The following PCDHA12 variants were observed in gnomAD, a reference collection of about 807,000 sequenced individuals.
PCDHA12 encodes protocadherin alpha-12.
Under a neutral mutation model 60.0 loss-of-function variants are expected in PCDHA12, and 44 were observed. That is an observed-to-expected ratio of 0.73 (90% CI 0.58 to 0.94). The LOEUF (loss-of-function observed/expected upper bound fraction) is 0.94, where lower values mean the gene tolerates loss of function less well. Among genes scored for constraint, PCDHA12 ranks in the 40% least tolerant of loss-of-function variants. PCDHA12 has a pLI of 0.00. For missense variants in PCDHA12, 1,276 were observed against 1,239.7 expected (o/e 1.03, Z -0.44); for synonymous variants, 569 against 553.0 (o/e 1.03, Z -0.40).
chr5:140,970,647 T>C lies in PCDHA12; in HGVS notation c.2368-8302T>C, dbSNP rs529255517. Among the ~76,000 whole-genome samples, 9 of 152,352 alleles carry C rather than the reference T, an allele frequency of 5.9e-5. No homozygotes were observed. The South Asian group carries it at 1.9e-3, about 32-fold the overall frequency. On this transcript the variant is annotated intron_variant, in intron 1 of 3. Coordinates refer to ENST00000398631, the MANE Select transcript of PCDHA12 (RefSeq NM_018903.4). ...CAAAATTTTGTACCATAAATAGTGA[T>C]GAATTGTTATCTTTCCAAATAACTA...
At chr5:140,929,298 A>T in intron 1 of PCDHA12, 1 of 1,591,722 alleles carries the variant, frequency 6.3e-7, no homozygotes, top group South Asian at 1.1e-5. Context: ...GGAATAGGAA[A>T]GGGGATCACG....
intron 1 of PCDHA12, among the ~76,000 whole-genome samples, chr5:140,952,940 G>A (rs2094821781): frequency 6.6e-6 from 1 of 152,066 alleles, no homozygotes. Context: ...AGGAGCAAGA[G>A]AGAGAGAAGG....
intron 3 of PCDHA12, among the ~76,000 whole-genome samples, chr5:140,991,361 G>C (rs1183124741): frequency 6.6e-6 from 1 of 152,200 alleles, no homozygotes; most frequent in Non-Finnish European, 1.5e-5. Context: ...ACTATTTACT[G>C]TCTGAGTTCT....
At chr5:140,888,557 T>G (rs2153424359) in intron 1 of PCDHA12, among the ~76,000 whole-genome samples, 1 of 152,366 alleles carries the variant, frequency 6.6e-6, no homozygotes, top group East Asian at 1.9e-4. Flanking sequence ...TTTATTCCTT[T>G]CAAGGCTTCA....
intron 1 of PCDHA12, chr5:140,927,199 G>A: frequency 4.3e-6 from 7 of 1,614,128 alleles, no homozygotes; most frequent in Non-Finnish European, 5.9e-6. Context: ...GGTGCTCGAG[G>A]ACCCGCTGGA....
intron 1 of PCDHA12, among the ~76,000 whole-genome samples, chr5:140,937,928 G>T (rs997116789): frequency 4.0e-5 from 6 of 148,604 alleles, no homozygotes; most frequent in Non-Finnish European, 8.9e-5. Context: ...AAAAAAAAAA[G>T]TTTAATTTGA....
intron 1 of PCDHA12, chr5:140,883,989 G>A (rs1554180956): frequency 6.2e-7 from 1 of 1,612,952 alleles, no homozygotes; most frequent in Non-Finnish European, 8.5e-7. Flanking sequence ...GGCAGCGCGG[G>A]AGGCACAGTG....
In PCDHA12 at chr5:140,925,899, G is replaced by T. The variant is rs149135478; in HGVS notation, c.2367+48060G>T. ...TATAACCTCCTCTTTCACCCAGATC[G>T]TCAAGGGCCGTTTGCAAAGCACTCC... is the stretch of plus-strand genomic sequence containing the variant. On this transcript the variant is annotated intron_variant, in intron 1 of 3. Transcript: ENST00000398631. Among the ~76,000 whole-genome samples, 277 of 151,958 alleles carry T rather than the reference G, an allele frequency of 1.8e-3. 3 individuals carry two copies. The highest frequency in any genetic ancestry group is 6.4e-3 in the African/African-American group (264 of 41,382).
At chr5:140,895,636 T>C (rs1554186575) in intron 1 of PCDHA12, among the ~76,000 whole-genome samples, 1 of 152,178 alleles carries the variant, frequency 6.6e-6, no homozygotes, top group Non-Finnish European at 1.5e-5. Context: ...TTTCACATTC[T>C]TTTTTAGCTC....
At position 140,884,402 on chromosome 5, in the gene PCDHA12, G is replaced by T. The variant is rs782512270; in HGVS notation, c.2367+6563G>T. 2.6e-5 allele frequency: 42 copies of T among 1,613,886 alleles called. 1 individual carries two copies. The Middle Eastern group carries it at 1.3e-3, about 51-fold the overall frequency. The stretch of plus-strand genomic sequence containing the variant: ...CATCTGCGCGGTGTCCAGCCTGTTG[G>T]TGCTCACGTTGCTGCTGTATACTGC... On this transcript the variant is annotated intron_variant, in intron 1 of 3. Coordinates refer to ENST00000398631, the MANE Select transcript of PCDHA12 (RefSeq NM_018903.4).
chr5:140,991,838 G>T (rs1056330823), intron 3 of PCDHA12, among the ~76,000 whole-genome samples: 1 of 152,110 alleles, frequency 6.6e-6, no homozygotes, highest in Non-Finnish European at 1.5e-5. Context: ...CGGCAGAACC[G>T]CACTTCCAGA....
intron 1 of PCDHA12, among the ~76,000 whole-genome samples, chr5:140,941,846 C>T (rs2093181493): frequency 6.6e-6 from 1 of 152,178 alleles, no homozygotes; most frequent in Non-Finnish European, 1.5e-5. Flanking sequence ...CTGCCATTAC[C>T]TGATATTCCC....
At chr5:140,925,787 C>T (rs972978659) in intron 1 of PCDHA12, among the ~76,000 whole-genome samples, 2 of 152,040 alleles carry the variant, frequency 1.3e-5, no homozygotes, top group Admixed American at 6.6e-5. Context: ...TAATGAGTAT[C>T]TCAGTACTTT....
At chr5:140,899,518 C>T (rs546972156) in intron 1 of PCDHA12, among the ~76,000 whole-genome samples, 145 of 152,230 alleles carry the variant, frequency 9.5e-4, no homozygotes, top group African/African-American at 2.6e-3. Context: ...TATTGCATCC[C>T]AGGGATGAAG....
chr5:140,994,142 G>A (rs550428204), intron 3 of PCDHA12, among the ~76,000 whole-genome samples: 21 of 152,298 alleles, frequency 1.4e-4, no homozygotes, highest in South Asian at 4.1e-4. Context: ...AATGCCCTAC[G>A]TAGGTAGGGT....
intron 1 of PCDHA12, among the ~76,000 whole-genome samples, chr5:140,943,416 A>T (rs556948015): frequency 2.6e-5 from 4 of 152,286 alleles, no homozygotes; most frequent in African/African-American, 9.6e-5. Flanking sequence ...GACTAGAGGC[A>T]AGGGCTTTAA....
At chr5:140,906,494 G>C (rs1327823813) in intron 1 of PCDHA12, among the ~76,000 whole-genome samples, 4 of 152,196 alleles carry the variant, frequency 2.6e-5, no homozygotes, top group African/African-American at 9.7e-5. Context: ...GCACAAACAT[G>C]TTTTTAACAA....
At chr5:140,980,849 C>A (rs2096908252) in intron 2 of PCDHA12, among the ~76,000 whole-genome samples, 1 of 152,068 alleles carries the variant, frequency 6.6e-6, no homozygotes, top group Admixed American at 6.6e-5. Context: ...TAATACTAAT[C>A]TTTTTCGTAT....
In PCDHA12 at chr5:141,012,013, G is replaced by A. The variant is rs181445737; in HGVS notation, c.*2076G>A. 25 of 153,796 alleles carry A rather than the reference G, an allele frequency of 1.6e-4. No homozygotes were observed. The highest frequency in any genetic ancestry group is 2.1e-4 in the South Asian group (1 of 4,818). 9.5% of individuals were successfully genotyped at this position (153,796 alleles called of 1,614,324 possible). A position where few individuals can be genotyped will look rare whatever the true frequency, so the allele number is the denominator to read the frequency against. ...CATTCTCCCATATTTTGAAGGGTGTGTAACTTCAGCTCTGCAGGATTGCAT... is the reference window on the plus strand; with the variant it reads ...CATTCTCCCATATTTTGAAGGGTGTATAACTTCAGCTCTGCAGGATTGCAT... On this transcript the variant is annotated 3_prime_UTR_variant, in exon 4 of 4. Transcript: ENST00000398631.
Sources: allele counts gnomAD v4.1 joint callset (sites outside exome capture counted in the v4.1 genomes callset), GRCh38; gene constraint gnomAD v4.1.1; transcripts MANE v1.5; gene names NCBI Gene and HGNC (gene_info 2026-07-23, HGNC 2026-07-21).